Variants in COG5 observed in about 807,000 individuals in gnomAD.
COG5 encodes the protein component of oligomeric golgi complex 5.
A neutral mutation model predicts 110.4 loss-of-function variants in COG5; 86 were observed. The ratio of observed to expected loss-of-function variants is 0.78; its 90% CI spans 0.65 to 0.93. COG5 has a LOEUF of 0.93. Ranked by LOEUF, COG5 falls within the 40% of genes least tolerant of loss-of-function variation. The pLI is 0.00. For synonymous variants in COG5, 360 were observed against 334.6 expected, an observed-to-expected ratio of 1.08 and a Z score of -0.83; for missense variants, 1,077 against 987.0, an observed-to-expected ratio of 1.09 and a Z score of -1.22.
intron 17 of COG5, among the ~76,000 whole-genome samples, chr7:107,237,473 C>T (rs182368237): frequency 1.1e-4 from 16 of 152,200 alleles, no homozygotes; most frequent in Middle Eastern, 3.4e-3. Flanking sequence ...TTTCAAAAAG[C>T]AAGTTAAGTG....
intron 14 of COG5, among the ~76,000 whole-genome samples, chr7:107,274,668 T>C (rs994219576): frequency 1.3e-5 from 2 of 152,096 alleles, no homozygotes; most frequent in Admixed American, 1.3e-4. Flanking sequence ...TAGCACCCCA[T>C]ATGACCCGAG....
chr7:107,326,038 G>C (rs905483687), intron 10 of COG5, among the ~76,000 whole-genome samples: 8 of 152,132 alleles, frequency 5.3e-5, no homozygotes, highest in Non-Finnish European at 8.8e-5. Flanking sequence ...CACATTAACA[G>C]AATGAAGGAC....
At chr7:107,454,122 T>C (rs1416600852) in intron 6 of COG5, among the ~76,000 whole-genome samples, 4 of 151,940 alleles carry the variant, frequency 2.6e-5, no homozygotes, top group Non-Finnish European at 4.4e-5. Context: ...AGTTGCCTAG[T>C]GTATATAATT....
chr7:107,254,049 C>G (rs1294214521), intron 16 of COG5, among the ~76,000 whole-genome samples: 1 of 152,042 alleles, frequency 6.6e-6, no homozygotes, highest in Non-Finnish European at 1.5e-5. Flanking sequence ...GTGACTTTCA[C>G]TGTGTATCAC....
chr7:107,347,573 A>G lies in COG5; in HGVS notation c.1026+14460T>C, dbSNP rs571097295. 5.3e-5 allele frequency among the ~76,000 whole-genome samples: 8 copies of G among 152,330 alleles called. No individual in the cohort carries two copies. In the South Asian group the frequency reaches 1.0e-3, roughly 20 times the overall value. ...ACATTATATAGTTTTGAATAGCTAGAAGGAGGATAGTGAATGTTCCCAACA... is the reference window on the plus strand; with the variant it reads ...ACATTATATAGTTTTGAATAGCTAGGAGGAGGATAGTGAATGTTCCCAACA... On this transcript the variant is annotated intron_variant, in intron 10 of 21. Transcript: ENST00000297135.
intron 5 of COG5, among the ~76,000 whole-genome samples, chr7:107,542,998 T>C (rs1392866827): frequency 6.8e-6 from 1 of 146,296 alleles, no homozygotes; most frequent in Non-Finnish European, 1.5e-5. Flanking sequence ...GGAAAAGCAA[T>C]ATAGATGAAT....
At chr7:107,549,132 C>A (rs1358104283) in intron 3 of COG5, 1 of 152,184 alleles carries the variant, frequency 6.6e-6, no homozygotes, top group African/African-American at 2.4e-5. Flanking sequence ...CAAAGATTCC[C>A]ACTTTTCTGC....
Position 107,412,524 on chromosome 7 carries a change from A to G in COG5, c.647T>C (p.Leu216Pro), listed in dbSNP as rs1354346994. 6.2e-7 allele frequency: 1 copy of G among 1,613,136 alleles called. No individual in the cohort carries two copies. Among genetic ancestry groups the G allele is most frequent in the South Asian group, 1.1e-5 (1 of 91,072 alleles). ...TACCTGAGTCTCCAAACCCTGCTCT[A>G]GTAGGCGCTTAGCTTGATTTTCCAC... is the stretch of plus-strand genomic sequence containing the variant. ...LEVENQAKRLLEQGLETQNPT... is the reference protein window; with the variant it reads ...LEVENQAKRLPEQGLETQNPT... Residue 216 changes from leucine (L) to proline (P), a missense_variant, in exon 7 of 22, where the codon CTA becomes CCA. Transcript: ENST00000297135.
chr7:107,403,919 ATTAC>A (rs890615609), intron 7 of COG5, among the ~76,000 whole-genome samples: 3 of 152,014 alleles, frequency 2.0e-5, no homozygotes, highest in African/African-American at 7.2e-5. Context: ...TATTATTATT[ATTAC>A]TATTTTTATG....
chr7:107,404,885 GAAAAAA>G (rs59988899), intron 7 of COG5, among the ~76,000 whole-genome samples: 6 of 32,404 alleles, frequency 1.9e-4, no homozygotes, highest in African/African-American at 5.4e-4. Context: ...TTCAGAAGAT[GAAAAAA>G]AAAAAAAAAA....
At chr7:107,514,378 T>C (rs1799772353) in intron 6 of COG5, among the ~76,000 whole-genome samples, 1 of 150,220 alleles carries the variant, frequency 6.7e-6, no homozygotes, top group East Asian at 1.9e-4. Flanking sequence ...ACATATTTTA[T>C]ATTTTGGTTT....
intron 6 of COG5, among the ~76,000 whole-genome samples, chr7:107,461,172 C>G (rs1411431003): frequency 6.6e-6 from 1 of 151,932 alleles, no homozygotes; most frequent in Non-Finnish European, 1.5e-5. Flanking sequence ...GGCCTTATGA[C>G]TACATAGGCA....
Position 107,533,452 on chromosome 7 carries a change from T to C in COG5, c.418-6095A>G, listed in dbSNP as rs192091273. 3.5e-4 allele frequency among the ~76,000 whole-genome samples: 53 copies of C among 151,554 alleles called. No homozygotes were observed. The East Asian group carries it at 7.0e-3, about 20-fold the overall frequency. On this transcript the variant is annotated intron_variant, in intron 5 of 21. Transcript: ENST00000297135. ...AGGTTAGAGGAATTGCTAACTAGAA[T>C]AACCAGTTTAAAGAACATAAATGAC...
chr7:107,320,361 CA>C (rs1402322439), intron 11 of COG5, among the ~76,000 whole-genome samples: 1 of 152,196 alleles, frequency 6.6e-6, no homozygotes, highest in Non-Finnish European at 1.5e-5. Flanking sequence ...TCTGCAATGA[CA>C]ATTTTCCTTT....
At chr7:107,350,305 T>C (rs1812019960) in intron 10 of COG5, among the ~76,000 whole-genome samples, 1 of 152,208 alleles carries the variant, frequency 6.6e-6, no homozygotes, top group African/African-American at 2.4e-5. Context: ...GACCTCTAAT[T>C]TGCTCTTTAG....
chr7:107,408,713 G>A (rs958217785), intron 7 of COG5, among the ~76,000 whole-genome samples: 1 of 152,132 alleles, frequency 6.6e-6, no homozygotes, highest in Non-Finnish European at 1.5e-5. Flanking sequence ...CATTATGAGT[G>A]CCAAAAGGCA....
At chr7:107,369,782 A>T (rs926747532) in intron 8 of COG5, among the ~76,000 whole-genome samples, 3 of 152,218 alleles carry the variant, frequency 2.0e-5, no homozygotes, top group Non-Finnish European at 4.4e-5. Flanking sequence ...TTTCCACCTT[A>T]GAGATAAAAT....
intron 17 of COG5, among the ~76,000 whole-genome samples, chr7:107,238,963 C>T (rs1380138369): frequency 6.6e-6 from 1 of 152,140 alleles, no homozygotes; most frequent in Non-Finnish European, 1.5e-5. Context: ...GTTTTCTTTG[C>T]TGTTCAGAAG....
intron 14 of COG5, among the ~76,000 whole-genome samples, chr7:107,262,733 C>T (rs1054169489): frequency 6.6e-6 from 1 of 152,118 alleles, no homozygotes; most frequent in Non-Finnish European, 1.5e-5. Flanking sequence ...CCTCCTTATT[C>T]TCAGTTGATG....
Sources: allele counts gnomAD v4.1 joint callset (sites outside exome capture counted in the v4.1 genomes callset), GRCh38; gene constraint gnomAD v4.1.1; transcripts MANE v1.5; gene names NCBI Gene and HGNC (gene_info 2026-07-23, HGNC 2026-07-21).